NFIB: variants seen among roughly 807,000 people sequenced by gnomAD.
NFIB encodes the protein nuclear factor I B.
Under a neutral mutation model 61.5 loss-of-function variants are expected in NFIB, and 11 were observed. That is an observed-to-expected ratio of 0.18 (90% CI 0.11 to 0.30). NFIB has a LOEUF of 0.30. Among genes scored for constraint, NFIB ranks in the 10% least tolerant of loss-of-function variants. NFIB has a pLI of 1.00. For missense variants in NFIB, 471 were observed against 608.9 expected (o/e 0.77, Z 2.38); for synonymous variants, 260 against 216.5 (o/e 1.20, Z -1.76).
rs564325656 is a variant in NFIB at position 14,376,836 on chromosome 9, T to A, written c.108+21688A>T. The stretch of plus-strand genomic sequence containing the variant: ...CCTGGCTTAAAAGTGCCATTTTTTT[T>A]AAAAAAAGAGAGAAAGTTATTACTC... On this transcript the variant is annotated intron_variant, in intron 1 of 8. Coordinates refer to the NFIB transcript ENST00000380934. Among the ~76,000 whole-genome samples, 407 of 150,670 alleles carry A rather than the reference T, an allele frequency of 2.7e-3. 3 individuals are homozygous for A. The highest frequency in any genetic ancestry group is 0.012 in the South Asian group (58 of 4,666).
intron 7 of NFIB, among the ~76,000 whole-genome samples, chr9:14,121,297 C>T (rs992397132): frequency 1.3e-5 from 2 of 152,122 alleles, no homozygotes; most frequent in African/African-American, 4.8e-5. Flanking sequence ...TCTCATAAGC[C>T]CCATCTCAAA....
chr9:14,311,221 C>T (rs1020061424), intron 1 of NFIB, among the ~76,000 whole-genome samples: 1 of 151,790 alleles, frequency 6.6e-6, no homozygotes, highest in Middle Eastern at 3.2e-3. Flanking sequence ...TTTTCTAAAA[C>T]CTAGATACCT....
chr9:14,531,285 A>G, the NFIB span, among the ~76,000 whole-genome samples: 2 of 152,210 alleles, frequency 1.3e-5, no homozygotes, highest in Non-Finnish European at 2.9e-5. Flanking sequence ...GACAAATATA[A>G]GAGGGGAAAA....
chr9:14,244,283 G>A (rs1361732363), intron 2 of NFIB, among the ~76,000 whole-genome samples: 1 of 152,178 alleles, frequency 6.6e-6, no homozygotes, highest in Non-Finnish European at 1.5e-5. Flanking sequence ...TAAGAAATTT[G>A]TAGAGGAAAT....
chr9:14,247,920 ATTTTTTCT>A (rs946413695), intron 2 of NFIB, among the ~76,000 whole-genome samples: 11 of 147,880 alleles, frequency 7.4e-5, no homozygotes, highest in African/African-American at 2.5e-4. Flanking sequence ...GTATCTACTA[ATTTTTTCT>A]TTTTTTCTTT....
intron 2 of NFIB, among the ~76,000 whole-genome samples, chr9:14,238,244 A>G (rs2053999407): frequency 6.6e-6 from 1 of 152,108 alleles, no homozygotes; most frequent in Non-Finnish European, 1.5e-5. Flanking sequence ...GAGGGATGGT[A>G]GTATTGCTGC....
At chr9:14,524,868 A>C in the NFIB span, among the ~76,000 whole-genome samples, 1 of 152,214 alleles carries the variant, frequency 6.6e-6, no homozygotes, top group Non-Finnish European at 1.5e-5. Flanking sequence ...ACCAGATAAT[A>C]ATATGTATAC....
chr9:14,497,322 G>A, the NFIB span, among the ~76,000 whole-genome samples: 1 of 152,182 alleles, frequency 6.6e-6, no homozygotes, highest in Non-Finnish European at 1.5e-5. Flanking sequence ...GGGCTCATAT[G>A]TGTAAATAAA....
At chr9:14,511,961 C>T in the NFIB span, among the ~76,000 whole-genome samples, 2 of 152,000 alleles carry the variant, frequency 1.3e-5, no homozygotes, top group East Asian at 1.9e-4. Context: ...TGTGGCAAAC[C>T]GATATTTTTG....
chr9:14,511,214 G>T, the NFIB span, among the ~76,000 whole-genome samples: 1 of 151,934 alleles, frequency 6.6e-6, no homozygotes, highest in African/African-American at 2.4e-5. Flanking sequence ...GTAACTAATT[G>T]GTTATCAGTA....
At chr9:14,413,283 T>G in the NFIB span, among the ~76,000 whole-genome samples, 1 of 152,180 alleles carries the variant, frequency 6.6e-6, no homozygotes, top group Non-Finnish European at 1.5e-5. Context: ...ATCAGGCATA[T>G]TTAAATAACT....
At chr9:14,279,555 A>G (rs991637919) in intron 2 of NFIB, among the ~76,000 whole-genome samples, 5 of 152,218 alleles carry the variant, frequency 3.3e-5, no homozygotes, top group Non-Finnish European at 7.3e-5. Flanking sequence ...AGAGATCGAT[A>G]TAATTTACTT....
Position 14,083,698 on chromosome 9 carries a change from T to A in NFIB, c.*4611A>T. ...GGATAACTTTCTGCAGCCTTCATCATTTCACACAGTACATAGAATTTGAAT... is the reference window on the plus strand; with the variant it reads ...GGATAACTTTCTGCAGCCTTCATCAATTCACACAGTACATAGAATTTGAAT... On this transcript the variant is annotated 3_prime_UTR_variant, in exon 11 of 11. Coordinates refer to ENST00000380953, the MANE Select transcript of NFIB (RefSeq NM_001190737.2). 4.5e-6 allele frequency: 1 copy of A among 224,014 alleles called. No individual in the cohort carries two copies. The highest frequency in any genetic ancestry group is 6.5e-5 in the East Asian group (1 of 15,460). 13.9% of individuals were successfully genotyped at this position (224,014 alleles called of 1,614,324 possible). A position where few individuals can be genotyped will look rare whatever the true frequency, so the allele number is the denominator to read the frequency against.
At chr9:14,404,225 C>A in the NFIB span, among the ~76,000 whole-genome samples, 3 of 152,118 alleles carry the variant, frequency 2.0e-5, no homozygotes, top group African/African-American at 7.2e-5. Flanking sequence ...ACAACCCCTA[C>A]CAGCTATCAA....
chr9:14,474,089 G>C, the NFIB span, among the ~76,000 whole-genome samples: 3 of 152,182 alleles, frequency 2.0e-5, no homozygotes, highest in African/African-American at 7.2e-5. Flanking sequence ...TGTTTTCAAG[G>C]AGGATTTTTT....
At chr9:14,491,528 G>A in the NFIB span, among the ~76,000 whole-genome samples, 1 of 152,174 alleles carries the variant, frequency 6.6e-6, no homozygotes, top group Admixed American at 6.5e-5. Context: ...AAAGTCATGG[G>A]CCTGACCTGA....
intron 7 of NFIB, among the ~76,000 whole-genome samples, chr9:14,121,024 C>T (rs960782595): frequency 3.3e-5 from 5 of 152,062 alleles, no homozygotes; most frequent in Non-Finnish European, 7.4e-5. Context: ...GCACTTTGGG[C>T]GGCTGGGGCA....
intron 6 of NFIB, among the ~76,000 whole-genome samples, chr9:14,141,494 A>C (rs1171896697): frequency 1.3e-5 from 2 of 152,160 alleles, no homozygotes; most frequent in Non-Finnish European, 2.9e-5. Flanking sequence ...TAAAGCATGG[A>C]GTCGGTTCTC....
the NFIB span, among the ~76,000 whole-genome samples, chr9:14,455,421 G>A: frequency 6.6e-6 from 1 of 152,204 alleles, no homozygotes; most frequent in Admixed American, 6.5e-5. Context: ...ATAGCCAGGT[G>A]AGAGTTCACT....
Sources: allele counts gnomAD v4.1 joint callset (sites outside exome capture counted in the v4.1 genomes callset), GRCh38; gene constraint gnomAD v4.1.1; transcripts MANE v1.5; gene names NCBI Gene and HGNC (gene_info 2026-07-23, HGNC 2026-07-21).